The following SEMA6D variants were observed in gnomAD, a reference collection of about 807,000 sequenced individuals.
The protein encoded by SEMA6D is semaphorin 6D, also known as semaphorin-6D.
A neutral mutation model predicts 106.6 loss-of-function variants in SEMA6D; 35 were observed. That is an observed-to-expected ratio of 0.33 (90% CI 0.25 to 0.44). SEMA6D has a LOEUF of 0.44. SEMA6D is among the 20% of genes least tolerant of loss of function. SEMA6D has a pLI of 1.00. For synonymous variants in SEMA6D, 499 were observed against 487.7 expected (o/e 1.02, Z -0.31); for missense variants, 1,185 against 1,345.9 (o/e 0.88, Z 1.87).
chr15:47,220,008 G>A (rs2031037336), intron 1 of SEMA6D, among the ~76,000 whole-genome samples: 1 of 152,162 alleles, frequency 6.6e-6, no homozygotes, highest in Non-Finnish European at 1.5e-5. Context: ...TTTGTTCATG[G>A]CAGCTGGGCA....
chr15:47,303,947 C>T (rs895971635), intron 1 of SEMA6D, among the ~76,000 whole-genome samples: 2 of 152,096 alleles, frequency 1.3e-5, no homozygotes, highest in African/African-American at 2.4e-5. Flanking sequence ...TGCCTCTCAC[C>T]CCTTCATCAC....
intron 4 of SEMA6D, among the ~76,000 whole-genome samples, chr15:47,637,204 G>T (rs994493185): frequency 2.6e-5 from 4 of 152,130 alleles, no homozygotes; most frequent in Admixed American, 2.6e-4. Flanking sequence ...ATTGTTACTG[G>T]AACACGCTCC....
chr15:47,477,620 A>G (rs538307501), intron 3 of SEMA6D, among the ~76,000 whole-genome samples: 1 of 152,304 alleles, frequency 6.6e-6, no homozygotes, highest in South Asian at 2.1e-4. Context: ...ATTGTGATGC[A>G]ACTATCTAAA....
chr15:47,492,574 C>T (rs770341044), intron 3 of SEMA6D, among the ~76,000 whole-genome samples: 10 of 152,118 alleles, frequency 6.6e-5, no homozygotes, highest in Non-Finnish European at 1.2e-4. Flanking sequence ...TGAAAAACTG[C>T]TTGAGAACCT....
intron 3 of SEMA6D, among the ~76,000 whole-genome samples, 178 bp downstream of exon 3, chr15:47,760,593 C>T (rs988151335): frequency 8.5e-5 from 13 of 152,078 alleles, no homozygotes; most frequent in African/African-American, 2.9e-4. Context: ...AGAGCTCAAG[C>T]TTTCAGCGGT....
chr15:47,575,254 C>G lies in SEMA6D; in HGVS notation c.-86-25611C>G, dbSNP rs117446374. ...GAGGATACATGGCTTTCTCCCAACA[C>G]ATAACCTTTCTGAAACAGAGGAAAA... is the stretch of plus-strand genomic sequence containing the variant. On this transcript the variant is annotated intron_variant, in intron 3 of 19. Coordinates refer to the SEMA6D transcript ENST00000558014. 1.7e-3 allele frequency among the ~76,000 whole-genome samples: 258 copies of G among 152,298 alleles called. 2 individuals carry two copies. Among genetic ancestry groups the G allele is most frequent in the Middle Eastern group, 3.4e-3 (1 of 294 alleles).
intron 1 of SEMA6D, among the ~76,000 whole-genome samples, chr15:47,327,271 T>C (rs1478082401): frequency 6.6e-6 from 1 of 152,220 alleles, no homozygotes; most frequent in Non-Finnish European, 1.5e-5. Flanking sequence ...AAGAATTAAA[T>C]CAGATAATAA....
chr15:47,761,808 G>A, intron 7 of SEMA6D, 57 bp downstream of exon 7: 2 of 1,376,020 alleles, frequency 1.5e-6, no homozygotes, highest in South Asian at 2.5e-5. Flanking sequence ...GGTGAAAAAG[G>A]AATTTAATGG....
chr15:47,486,621 C>A (rs1049241664), intron 3 of SEMA6D, among the ~76,000 whole-genome samples: 1 of 152,234 alleles, frequency 6.6e-6, no homozygotes, highest in African/African-American at 2.4e-5. Context: ...GCCTCATATG[C>A]ACCCTGCTGA....
At chr15:47,346,070 A>G (rs2038034141) in intron 1 of SEMA6D, among the ~76,000 whole-genome samples, 1 of 152,198 alleles carries the variant, frequency 6.6e-6, no homozygotes, top group Non-Finnish European at 1.5e-5. Context: ...GTGCATTACC[A>G]TCAGGAACCC....
chr15:47,638,691 A>G (rs2077434421), intron 4 of SEMA6D, among the ~76,000 whole-genome samples: 2 of 152,220 alleles, frequency 1.3e-5, no homozygotes, highest in African/African-American at 4.8e-5. Flanking sequence ...ATCTGCTTTC[A>G]TTAGTTGTTA....
chr15:47,482,403 G>A (rs118055651), intron 3 of SEMA6D, among the ~76,000 whole-genome samples: 1 of 152,166 alleles, frequency 6.6e-6, no homozygotes, highest in Non-Finnish European at 1.5e-5. Context: ...CTATTCAAAT[G>A]CAGAATGCTT....
At chr15:47,734,061 G>T (rs1373932623) in intron 1 of SEMA6D, among the ~76,000 whole-genome samples, 1 of 152,196 alleles carries the variant, frequency 6.6e-6, no homozygotes, top group East Asian at 1.9e-4. Context: ...TTGTGATGGG[G>T]TGGGAAGGTT....
chr15:47,611,190 T>A, intron 4 of SEMA6D, among the ~76,000 whole-genome samples: 1 of 140,560 alleles, frequency 7.1e-6, no homozygotes, highest in African/African-American at 2.9e-5. Context: ...CACACACGCA[T>A]GCACACAAGC....
At chr15:47,586,258 C>T (rs2076337127) in intron 3 of SEMA6D, among the ~76,000 whole-genome samples, 2 of 152,126 alleles carry the variant, frequency 1.3e-5, no homozygotes, top group African/African-American at 4.8e-5. Flanking sequence ...CAGTGCTTAG[C>T]AGGCAACGGA....
chr15:47,766,490 G>GTTT, intron 15 of SEMA6D, 126 bp from the exon 16 acceptor site: 15 of 372,370 alleles, frequency 4.0e-5, no homozygotes, highest in East Asian at 4.9e-5. Context: ...TTAAAATGTT[G>GTTT]TTTTTTTTTT....
intron 3 of SEMA6D, among the ~76,000 whole-genome samples, chr15:47,530,781 G>C (rs924996443): frequency 6.6e-6 from 1 of 151,810 alleles, no homozygotes; most frequent in Non-Finnish European, 1.5e-5. Flanking sequence ...GACAAATGTG[G>C]GTTGAGTCCT....
intron 1 of SEMA6D, among the ~76,000 whole-genome samples, chr15:47,348,714 CACACCA>C (rs1262580248): frequency 1.1e-3 from 102 of 93,370 alleles, no homozygotes; most frequent in African/African-American, 5.8e-3. Context: ...CACACACACA[CACACCA>C]CACACACAGA....
chr15:47,651,908 C>T (rs1005641365), intron 4 of SEMA6D, among the ~76,000 whole-genome samples: 3 of 152,232 alleles, frequency 2.0e-5, no homozygotes, highest in African/African-American at 7.2e-5. Context: ...TTTACAACAA[C>T]CACATCTTTC....
Sources: allele counts gnomAD v4.1 joint callset (sites outside exome capture counted in the v4.1 genomes callset), GRCh38; gene constraint gnomAD v4.1.1; transcripts MANE v1.5; gene names NCBI Gene and HGNC (gene_info 2026-07-23, HGNC 2026-07-21).